PTPRD: variants seen among roughly 807,000 people sequenced by gnomAD.
PTPRD encodes protein tyrosine phosphatase receptor type D.
PTPRD carries 34 observed loss-of-function variants against 214.5 expected under a neutral mutation model. The ratio of observed to expected loss-of-function variants is 0.16; its 90% CI spans 0.12 to 0.21. PTPRD has a LOEUF of 0.21. Among genes scored for constraint, PTPRD ranks in the 10% least tolerant of loss-of-function variants. The pLI is 1.00. For synonymous variants in PTPRD, 1,128 were observed against 845.7 expected (o/e 1.33, Z -5.79); for missense variants, 2,545 against 2,398.7 (o/e 1.06, Z -1.27).
chr9:10,337,588 T>G (rs1333711122), intron 3 of PTPRD, among the ~76,000 whole-genome samples: 1 of 151,800 alleles, frequency 6.6e-6, no homozygotes, highest in Admixed American at 6.6e-5. Context: ...TCCTTTGCAA[T>G]TTGGGAATTT....
rs549003820 is a variant in PTPRD at position 9,244,857 on chromosome 9, G to A, written c.-202-61494C>T. On this transcript the variant is annotated intron_variant, in intron 9 of 45. Coordinates refer to ENST00000381196, the MANE Select transcript of PTPRD (RefSeq NM_002839.4). Reference sequence around the variant, plus strand: ...CATCAGAGTGAACAGGCAACCTACAGAATGGGAGAAAATTTCTGCAATCTA... The same window carrying A: ...CATCAGAGTGAACAGGCAACCTACAAAATGGGAGAAAATTTCTGCAATCTA... Among the ~76,000 whole-genome samples, 12 of 152,184 alleles carry A rather than the reference G, an allele frequency of 7.9e-5. No individual in the cohort carries two copies. In the South Asian group the frequency reaches 1.2e-3, roughly 16 times the overall value.
At chr9:10,367,123 T>G (rs1316687394) in intron 2 of PTPRD, among the ~76,000 whole-genome samples, 4 of 151,586 alleles carry the variant, frequency 2.6e-5, no homozygotes, top group Non-Finnish European at 5.9e-5. Context: ...TCCTGTCCTC[T>G]TGATAGATAC....
intron 34 of PTPRD, among the ~76,000 whole-genome samples, chr9:8,445,731 G>A (rs2095699358): frequency 6.6e-6 from 1 of 152,150 alleles, no homozygotes; most frequent in African/African-American, 2.4e-5. Flanking sequence ...TGTCTCTGAT[G>A]CAGCAATCGG....
intron 11 of PTPRD, among the ~76,000 whole-genome samples, chr9:8,944,491 G>C (rs1288970205): frequency 1.3e-5 from 2 of 152,040 alleles, no homozygotes; most frequent in African/African-American, 2.4e-5. Context: ...TCCAAGATTT[G>C]GAAGCAACCT....
At chr9:8,973,570 G>T (rs2099251566) in intron 11 of PTPRD, among the ~76,000 whole-genome samples, 1 of 151,740 alleles carries the variant, frequency 6.6e-6, no homozygotes, top group South Asian at 2.1e-4. Context: ...TATTCCTTTG[G>T]GTATATACTC....
chr9:8,825,922 C>T (rs1027865476), intron 11 of PTPRD, among the ~76,000 whole-genome samples: 6 of 152,158 alleles, frequency 3.9e-5, no homozygotes, highest in Non-Finnish European at 5.9e-5. Context: ...TTTTGGCCAG[C>T]TCCTACTGTA....
At chr9:10,335,261 G>C (rs2096825134) in intron 3 of PTPRD, among the ~76,000 whole-genome samples, 1 of 151,672 alleles carries the variant, frequency 6.6e-6, no homozygotes, top group Non-Finnish European at 1.5e-5. Flanking sequence ...GGAACAGAAA[G>C]AGCACCTAGA....
In PTPRD at chr9:8,414,957, GA is replaced by G. The variant is rs1564641909; in HGVS notation, c.4087-10298del. ...AGAGAGAGAGAGAGAGAGAGAGAGAGAGAGAGAGAGAGAGAGACAGACAGAC... is the reference window on the plus strand; with the variant it reads ...AGAGAGAGAGAGAGAGAGAGAGAGAGGAGAGAGAGAGAGAGACAGACAGAC... On this transcript the variant is annotated intron_variant, in intron 35 of 45. Coordinates refer to ENST00000381196, the MANE Select transcript of PTPRD (RefSeq NM_002839.4). 1.3e-4 allele frequency among the ~76,000 whole-genome samples: 20 copies of G among 149,046 alleles called. No individual in the cohort carries two copies. The East Asian group carries it at 2.6e-3, about 19-fold the overall frequency.
intron 2 of PTPRD, among the ~76,000 whole-genome samples, chr9:10,582,784 A>G (rs1442753653): frequency 2.0e-5 from 3 of 152,244 alleles, no homozygotes; most frequent in Non-Finnish European, 2.9e-5. Flanking sequence ...CACCATTGAG[A>G]TAAATACTGT....
chr9:10,532,851 A>C (rs1466115542), intron 2 of PTPRD, among the ~76,000 whole-genome samples: 3 of 151,872 alleles, frequency 2.0e-5, no homozygotes, highest in Non-Finnish European at 4.4e-5. Flanking sequence ...CTGATCCCTC[A>C]GTTTTATGGC....
intron 11 of PTPRD, among the ~76,000 whole-genome samples, chr9:8,833,920 A>ATCT (rs199867974): frequency 1.3e-5 from 2 of 151,954 alleles, no homozygotes; most frequent in Admixed American, 1.3e-4. Flanking sequence ...AAATGTATTA[A>ATCT]AAACACCGGG....
chr9:9,615,179 C>T (rs1032827479), intron 7 of PTPRD, among the ~76,000 whole-genome samples: 8 of 152,278 alleles, frequency 5.3e-5, no homozygotes, highest in Middle Eastern at 6.8e-3. Context: ...TGGGCAAGCC[C>T]TGCCTAGCTG....
intron 2 of PTPRD, among the ~76,000 whole-genome samples, chr9:10,428,990 CA>C: frequency 6.6e-6 from 1 of 152,054 alleles, no homozygotes; most frequent in Non-Finnish European, 1.5e-5. Context: ...TTGGTTGTGG[CA>C]ATGTCTGGGG....
At chr9:9,138,978 G>A (rs975132347) in intron 10 of PTPRD, among the ~76,000 whole-genome samples, 4 of 151,918 alleles carry the variant, frequency 2.6e-5, no homozygotes, top group Non-Finnish European at 5.9e-5. Flanking sequence ...CTTCATTAAG[G>A]TATTATATTT....
intron 2 of PTPRD, among the ~76,000 whole-genome samples, chr9:10,504,049 G>A (rs2044919419): frequency 7.4e-6 from 1 of 135,394 alleles, no homozygotes; most frequent in Non-Finnish European, 1.5e-5. Context: ...CCGGGAGGCA[G>A]AGCTTGCAGT....
chr9:9,636,702 G>A (rs1564209154), intron 7 of PTPRD, among the ~76,000 whole-genome samples: 1 of 152,162 alleles, frequency 6.6e-6, no homozygotes, highest in Non-Finnish European at 1.5e-5. Context: ...CAACAAAAGT[G>A]GCAGAATAGA....
chr9:9,101,077 C>G (rs1271023530), intron 10 of PTPRD, among the ~76,000 whole-genome samples: 1 of 138,126 alleles, frequency 7.2e-6, no homozygotes. Context: ...AATATGAAAT[C>G]TGAACCAATT....
In PTPRD at chr9:10,579,878, T is replaced by A. The variant is rs146105005; in HGVS notation, c.-600+32520A>T. ...TGACAACATTAAGCATTTTTTCACG[T>A]GTTTGTTGGCCACTTGAATGCCTTT... On this transcript the variant is annotated intron_variant, in intron 2 of 45. Coordinates refer to ENST00000381196, the MANE Select transcript of PTPRD (RefSeq NM_002839.4). 7.4e-3 allele frequency among the ~76,000 whole-genome samples: 1,124 copies of A among 152,128 alleles called. 63 individuals carry two copies. The South Asian group carries it at 0.13, about 18-fold the overall frequency.
intron 7 of PTPRD, among the ~76,000 whole-genome samples, chr9:9,577,293 G>C (rs2089202706): frequency 6.6e-6 from 1 of 152,164 alleles, no homozygotes; most frequent in African/African-American, 2.4e-5. Flanking sequence ...GCTGGGCATG[G>C]TGGCTAATGT....
Sources: gnomAD v4.1 joint callset for allele counts (sites outside exome capture counted in the v4.1 genomes callset) on GRCh38, gnomAD v4.1.1 for gene constraint, MANE v1.5 for transcripts, NCBI Gene and HGNC (gene_info 2026-07-23, HGNC 2026-07-21) for gene names.